KLKB1: variants seen among roughly 807,000 people sequenced by gnomAD.
KLKB1 encodes plasma kallikrein.
A neutral mutation model predicts 73.6 loss-of-function variants in KLKB1; 58 were observed. That is an observed-to-expected ratio of 0.79 (90% confidence interval 0.64 to 0.98). The LOEUF (loss-of-function observed/expected upper bound fraction) is 0.98, where lower values mean the gene tolerates loss of function less well. KLKB1 is among the 50% of genes least tolerant of loss of function. The pLI is 0.00. For synonymous variants in KLKB1, 280 were observed against 258.1 expected (o/e 1.08, Z -0.81); for missense variants, 737 against 763.8 (o/e 0.96, Z 0.41).
At chr4:186,239,401 ATATTGT>A (rs1416666824) in intron 6 of KLKB1, among the ~76,000 whole-genome samples, 1 of 150,158 alleles carries the variant, frequency 6.7e-6, no homozygotes. Context: ...TAGGACAGTG[ATATTGT>A]TATAGTTATA....
upstream of KLKB1, among the ~76,000 whole-genome samples, chr4:186,225,483 GT>G (rs60793681): frequency 0.021 from 662 of 30,966 alleles, 7 homozygotes; most frequent in African/African-American, 0.092. Context: ...GGAGTGCAGT[GT>G]GCAGTGGCGC....
At chr4:186,218,959 A>G (rs1286802490) in intron 2 of KLKB1, among the ~76,000 whole-genome samples, 1 of 152,174 alleles carries the variant, frequency 6.6e-6, no homozygotes, top group Non-Finnish European at 1.5e-5. Context: ...AAGGTCCAAG[A>G]GCCCTTGGCA....
intron 2 of KLKB1, among the ~76,000 whole-genome samples, chr4:186,229,211 GT>G (rs1306135714): frequency 6.6e-6 from 1 of 151,988 alleles, no homozygotes; most frequent in African/African-American, 2.4e-5. Context: ...TTTTTGTTTT[GT>G]TTTGTTTTTT....
chr4:186,249,242 G>A (rs1422959543), intron 6 of KLKB1, among the ~76,000 whole-genome samples: 1 of 152,132 alleles, frequency 6.6e-6, no homozygotes, highest in African/African-American at 2.4e-5. Flanking sequence ...TCATGGTTTT[G>A]AAGATTTTTG....
chr4:186,250,184 C>T, intron 6 of KLKB1, 59 bp from the exon 7 acceptor site: 1 of 1,487,536 alleles, frequency 6.7e-7, no homozygotes, highest in Non-Finnish European at 9.4e-7. Context: ...TGACAAAATA[C>T]AAGCAAATTT....
intron 6 of KLKB1, among the ~76,000 whole-genome samples, chr4:186,243,633 G>C (rs543860721): frequency 1.8e-4 from 27 of 152,316 alleles, no homozygotes; most frequent in Admixed American, 1.5e-3. Context: ...GAGGCATTAA[G>C]ATGGAGAACC....
intron 6 of KLKB1, among the ~76,000 whole-genome samples, chr4:186,239,475 T>C (rs1268478771): frequency 7.4e-6 from 1 of 135,224 alleles, no homozygotes; most frequent in East Asian, 2.2e-4. Context: ...GTTATAGTTA[T>C]AGGAAACTAG....
Position 186,250,382 on chromosome 4 carries a change from A to G in KLKB1, c.738A>G (p.Val246=), listed in dbSNP as rs764861592. Reference sequence around the variant, plus strand: ...TCTTCTTTACATTCTATACAAATGTATGGAAAATCGAGTCACAAAGGCGAG... The same window carrying G: ...TCTTCTTTACATTCTATACAAATGTGTGGAAAATCGAGTCACAAAGGCGAG... ...NCLFFTFYTN[V]WKIESQRNVC... The change falls in exon 7 of 15, where the codon GTA becomes GTG. Residue 246 remains valine (V), a synonymous_variant. Transcript: ENST00000264690. 1.2e-6 allele frequency: 2 copies of G among 1,614,074 alleles called. No individual in the cohort carries two copies. The highest frequency in any genetic ancestry group is 1.7e-5 in the Admixed American group (1 of 60,008).
intron 13 of KLKB1, among the ~76,000 whole-genome samples, chr4:186,256,962 C>T (rs768208931): frequency 6.9e-6 from 1 of 145,650 alleles, no homozygotes; most frequent in South Asian, 2.2e-4. Context: ...TACAGGGTGC[C>T]GTCTCTCTCC....
At chr4:186,212,543 A>G (rs1409799943) in intron 2 of KLKB1, 1 of 152,214 alleles carries the variant, frequency 6.6e-6, no homozygotes, top group East Asian at 1.9e-4. Context: ...TAGAATCACA[A>G]TTACCTTTAT....
In KLKB1 at chr4:186,238,250, A is replaced by C; in HGVS notation, c.489-6A>C. The C allele has an allele frequency of 6.3e-7, 1 of 1,593,176 alleles. No individual in the cohort carries two copies. The highest frequency in any genetic ancestry group is 8.6e-7 in the Non-Finnish European group (1 of 1,160,990). Reference sequence around the variant, plus strand: ...AAGCAAAGTAACCTCTTTTCTTCCCATTCAGGAACAATTGCCTATTAAAGT... The same window carrying C: ...AAGCAAAGTAACCTCTTTTCTTCCCCTTCAGGAACAATTGCCTATTAAAGT... On this transcript the variant is annotated splice_region_variant and splice_polypyrimidine_tract_variant and intron_variant, in intron 5 of 14. Coordinates refer to ENST00000264690, the MANE Select transcript of KLKB1 (RefSeq NM_000892.5).
chr4:186,250,895 T>C, intron 7 of KLKB1: 1 of 376,670 alleles, frequency 2.7e-6, no homozygotes, highest in South Asian at 2.6e-5. Flanking sequence ...TGTCTAGTTA[T>C]GTAATATCAT....
intron 2 of KLKB1, among the ~76,000 whole-genome samples, chr4:186,215,746 G>A (rs1736885848): frequency 1.3e-5 from 2 of 152,004 alleles, no homozygotes; most frequent in African/African-American, 4.8e-5. Flanking sequence ...GCTAATTTTT[G>A]TAATTTTTCT....
intron 2 of KLKB1, chr4:186,229,013 A>C (rs895967268): frequency 6.6e-6 from 1 of 151,980 alleles, no homozygotes; most frequent in East Asian, 1.9e-4. Context: ...TCATAAAGAG[A>C]CCTTTTTTTT....
At chr4:186,249,369 T>TG (rs1738547217) in intron 6 of KLKB1, among the ~76,000 whole-genome samples, 2 of 152,244 alleles carry the variant, frequency 1.3e-5, no homozygotes, top group South Asian at 4.1e-4. Flanking sequence ...TTCTTGCATG[T>TG]GGGTATTCAG....
intron 7 of KLKB1, among the ~76,000 whole-genome samples, chr4:186,250,613 A>T (rs1738618791): frequency 6.6e-6 from 1 of 152,258 alleles, no homozygotes; most frequent in Non-Finnish European, 1.5e-5. Context: ...CTCTTACTTT[A>T]AAACAAATGT....
chr4:186,235,259 G>T lies in KLKB1; in HGVS notation c.328+1201G>T, dbSNP rs191380612. The stretch of plus-strand genomic sequence containing the variant: ...GTTGTATCTTGTAGCAAAATTTAAA[G>T]AAAAAGTAATTTGTGCCTTTCTCAA... On this transcript the variant is annotated intron_variant, in intron 4 of 14. Transcript: ENST00000264690. Among the ~76,000 whole-genome samples the T allele has an allele frequency of 3.0e-3, 463 of 152,238 alleles. 3 individuals carry two copies. The highest frequency in any genetic ancestry group is 0.01 in the African/African-American group (436 of 41,544).
At position 186,219,142 on chromosome 4, in the gene KLKB1, G is replaced by A. The variant is rs113698210; in HGVS notation, c.201+9870G>A. 1.7e-4 allele frequency among the ~76,000 whole-genome samples: 26 copies of A among 152,196 alleles called. No homozygotes were observed. In the South Asian group the frequency reaches 4.4e-3, roughly 26 times the overall value. On this transcript the variant is annotated intron_variant, in intron 2 of 14. Coordinates refer to the KLKB1 transcript ENST00000511608. Reference sequence around the variant, plus strand: ...TAGCCCGGCTGGCAGCTGAGATGGTGCCCACCCAGATTGAGGGTGGGTCTG... The same window carrying A: ...TAGCCCGGCTGGCAGCTGAGATGGTACCCACCCAGATTGAGGGTGGGTCTG...
rs764392540 is a variant in KLKB1, at chr4:186,250,374, A to G, written c.730A>G (p.Thr244Ala). The change falls in exon 7 of 15, where the codon ACA (threonine) becomes GCA (alanine). Residue 244 changes from threonine to alanine, a missense_variant. Physicochemically the swap from Thr to Ala is moderately conservative, Grantham distance 58. Coordinates refer to ENST00000264690, the MANE Select transcript of KLKB1 (RefSeq NM_000892.5). ...CAACTGCCTCTTCTTTACATTCTAT[A>G]CAAATGTATGGAAAATCGAGTCACA... ...HPNCLFFTFY[T>A]NVWKIESQRN... 1.2e-6 allele frequency: 2 copies of G among 1,614,030 alleles called. No individual in the cohort carries two copies. The highest frequency in any genetic ancestry group is 1.1e-5 in the South Asian group (1 of 91,082).
Sources: allele counts gnomAD v4.1 joint callset (sites outside exome capture counted in the v4.1 genomes callset), GRCh38; gene constraint gnomAD v4.1.1; transcripts MANE v1.5; gene names NCBI Gene and HGNC (gene_info 2026-07-23, HGNC 2026-07-21).